The following TIA1 variants were observed in gnomAD, a reference collection of about 807,000 sequenced individuals.
The protein encoded by TIA1 is cytotoxic granule associated RNA binding protein TIA1.
A neutral mutation model predicts 65.9 loss-of-function variants in TIA1; 23 were observed. The observed-to-expected ratio is 0.35, with a 90% confidence interval of 0.25 to 0.49. TIA1 has a LOEUF of 0.49. TIA1 is among the 20% of genes least tolerant of loss of function. TIA1 has a pLI of 0.98. For synonymous variants in TIA1, 147 were observed against 149.4 expected, an observed-to-expected ratio of 0.98 and a Z score of 0.12; for missense variants, 371 against 477.9, an observed-to-expected ratio of 0.78 and a Z score of 2.09.
At position 70,210,726 on chromosome 2, in the gene TIA1, A is replaced by G. The variant is rs1431871034; in HGVS notation, c.*1993T>C. 6.6e-6 allele frequency: 1 copy of G among 152,204 alleles called. No homozygotes were observed. Among genetic ancestry groups the G allele is most frequent in the Non-Finnish European group, 1.5e-5 (1 of 68,038 alleles). 9.4% of individuals were successfully genotyped at this position (152,204 alleles called of 1,614,324 possible). On this transcript the variant is annotated 3_prime_UTR_variant, in exon 13 of 13. Coordinates refer to ENST00000433529, the MANE Select transcript of TIA1 (RefSeq NM_022173.4). Reference sequence around the variant, plus strand: ...AAAGTAGAAACATAAGCCAGAAGAAATCTAAAAATAGCTTCCTGATATTTT... The same window carrying G: ...AAAGTAGAAACATAAGCCAGAAGAAGTCTAAAAATAGCTTCCTGATATTTT...
chr2:70,241,928 G>A (rs1691961548), intron 1 of TIA1, among the ~76,000 whole-genome samples: 1 of 151,614 alleles, frequency 6.6e-6, no homozygotes, highest in Non-Finnish European at 1.5e-5. Flanking sequence ...AAAGTGTTAA[G>A]GTCAGAAAGA....
intron 7 of TIA1, among the ~76,000 whole-genome samples, chr2:70,222,924 T>G (rs942112214): frequency 1.3e-5 from 2 of 151,216 alleles, no homozygotes; most frequent in African/African-American, 4.9e-5. Flanking sequence ...AAAAAAAAAA[T>G]TATATTATTT....
chr2:70,248,644 G>A (rs1013063184), upstream of TIA1: 1 of 652,258 alleles, frequency 1.5e-6, no homozygotes, highest in Non-Finnish European at 2.6e-6. Context: ...GGGAGCCTAG[G>A]AGCAGCCAGC....
intron 9 of TIA1, 23 bp from the exon 10 acceptor site, chr2:70,216,315 A>C: frequency 6.3e-7 from 1 of 1,581,546 alleles, no homozygotes; most frequent in South Asian, 1.2e-5. Flanking sequence ...AAACCAAAAC[A>C]AACAAATCAC....
chr2:70,244,703 C>T (rs375442882), intron 1 of TIA1, among the ~76,000 whole-genome samples: 2 of 151,466 alleles, frequency 1.3e-5, no homozygotes, highest in African/African-American at 4.9e-5. Context: ...GGCGTGGTGG[C>T]GGGTGCCTGC....
chr2:70,242,181 G>GTAC, intron 1 of TIA1, among the ~76,000 whole-genome samples: 1 of 152,096 alleles, frequency 6.6e-6, no homozygotes, highest in East Asian at 1.9e-4. Flanking sequence ...ACAAAACTCT[G>GTAC]TACTATCTCT....
In TIA1 at chr2:70,211,907, A is replaced by G. The variant is rs1676579926; in HGVS notation, c.*812T>C. 1 of 152,548 alleles carries G rather than the reference A, an allele frequency of 6.6e-6. No homozygotes were observed. The highest frequency in any genetic ancestry group is 2.1e-4 in the South Asian group (1 of 4,834). 9.4% of individuals were successfully genotyped at this position (152,548 alleles called of 1,614,324 possible). Reference sequence around the variant, plus strand: ...GGCATAAGAACTTATCACATTTCAGATATTTTCTTTAGTAACAAGTTTTTG... The same window carrying G: ...GGCATAAGAACTTATCACATTTCAGGTATTTTCTTTAGTAACAAGTTTTTG... On this transcript the variant is annotated 3_prime_UTR_variant, in exon 13 of 13. Coordinates refer to ENST00000433529, the MANE Select transcript of TIA1 (RefSeq NM_022173.4).
chr2:70,225,311 TA>T, intron 6 of TIA1: 2 of 1,265,428 alleles, frequency 1.6e-6, no homozygotes, highest in Admixed American at 2.7e-5. Flanking sequence ...AGTCAGAAAG[TA>T]AAAAAGCACG....
chr2:70,242,353 G>A (rs1320095939), intron 1 of TIA1, among the ~76,000 whole-genome samples: 1 of 151,820 alleles, frequency 6.6e-6, no homozygotes, highest in Non-Finnish European at 1.5e-5. Flanking sequence ...CCAATATGTT[G>A]AAACTTGCCT....
intron 12 of TIA1, 59 bp from the exon 13 acceptor site, chr2:70,212,904 A>G: frequency 1.7e-6 from 2 of 1,152,238 alleles, no homozygotes; most frequent in Non-Finnish European, 2.6e-6. Flanking sequence ...AAAATAAAGT[A>G]TTGGCAAGAA....
chr2:70,215,753 A>ATTT, intron 10 of TIA1: 2 of 293,340 alleles, frequency 6.8e-6, no homozygotes, highest in African/African-American at 2.3e-5. Flanking sequence ...AGAAATTTCA[A>ATTT]TTTTTTTTTT....
chr2:70,209,539 T>C lies in TIA1; in HGVS notation c.*3180A>G. The C allele has an allele frequency of 2.5e-6, 1 of 398,296 alleles. No individual in the cohort carries two copies. The highest frequency in any genetic ancestry group is 4.4e-6 in the Non-Finnish European group (1 of 225,944). The allele number at this position is 398,296 out of a possible 1,614,324, so 24.7% of individuals were successfully genotyped here. A position where few individuals can be genotyped will look rare whatever the true frequency, so the allele number is the denominator to read the frequency against. On this transcript the variant is annotated 3_prime_UTR_variant, in exon 13 of 13. Coordinates refer to ENST00000433529, the MANE Select transcript of TIA1 (RefSeq NM_022173.4). ...CAAATTCTAAACACAACAGTCAAAATGCAGTGACTGTAATGAAATGTAATA... is the reference window on the plus strand; with the variant it reads ...CAAATTCTAAACACAACAGTCAAAACGCAGTGACTGTAATGAAATGTAATA...
intron 4 of TIA1, 80 bp downstream of exon 4, chr2:70,229,184 T>C (rs908715463): frequency 2.5e-6 from 4 of 1,597,058 alleles, no homozygotes; most frequent in African/African-American, 1.3e-5. Context: ...ACTGCAAACA[T>C]GTATGATGTT....
In TIA1 at chr2:70,238,260, G is replaced by GTT. The variant is rs763865705; in HGVS notation, c.27-2087_27-2086dup. 1.6e-3 allele frequency among the ~76,000 whole-genome samples: 150 copies of GTT among 94,616 alleles called. 16 individuals are homozygous for GTT. Among genetic ancestry groups the GTT allele is most frequent in the Middle Eastern group, 5.8e-3 (1 of 172 alleles). The allele number at this position is 94,616 out of a possible 152,430, so 62.1% of individuals were successfully genotyped here. A position where few individuals can be genotyped will look rare whatever the true frequency, so the allele number is the denominator to read the frequency against. On this transcript the variant is annotated intron_variant, in intron 1 of 12. Coordinates refer to ENST00000433529, the MANE Select transcript of TIA1 (RefSeq NM_022173.4). ...ACTAAGAACATTGACGTTCCCCCAA[G>GTT]TTTTTTTTTTTTTTTTTTTTTTTTT...
chr2:70,222,496 G>A (rs1476520246), intron 7 of TIA1, among the ~76,000 whole-genome samples: 1 of 152,224 alleles, frequency 6.6e-6, no homozygotes, highest in Non-Finnish European at 1.5e-5. Flanking sequence ...GTAGAACATA[G>A]GAAGAGAGGC....
chr2:70,244,652 G>A (rs550105265), intron 1 of TIA1, among the ~76,000 whole-genome samples: 3 of 151,776 alleles, frequency 2.0e-5, no homozygotes, highest in Admixed American at 6.6e-5. Flanking sequence ...TGGCTAACAC[G>A]GTGAAACTGT....
upstream of TIA1, chr2:70,248,745 T>G: frequency 2.5e-6 from 1 of 400,114 alleles, no homozygotes; most frequent in Admixed American, 4.2e-5. Flanking sequence ...GTTCACTTGT[T>G]GCGCAGCCGC....
upstream of TIA1, chr2:70,248,641 T>A: frequency 1.5e-6 from 1 of 664,576 alleles, no homozygotes; most frequent in Non-Finnish European, 2.5e-6. Context: ...GCCGGGAGCC[T>A]AGGAGCAGCC....
Position 70,210,743 on chromosome 2 carries a change from T to G in TIA1, c.*1976A>C, listed in dbSNP as rs551115570. ...CAGAAGAAATCTAAAAATAGCTTCC[T>G]GATATTTTATTTTAAAATATTTCAT... is the stretch of plus-strand genomic sequence containing the variant. On this transcript the variant is annotated 3_prime_UTR_variant, in exon 13 of 13. Coordinates refer to ENST00000433529, the MANE Select transcript of TIA1 (RefSeq NM_022173.4). 3 of 152,346 alleles carry G rather than the reference T, an allele frequency of 2.0e-5. No homozygotes were observed. Among genetic ancestry groups the G allele is most frequent in the African/African-American group, 7.2e-5 (3 of 41,584 alleles). 9.4% of individuals were successfully genotyped at this position (152,346 alleles called of 1,614,324 possible). A position where few individuals can be genotyped will look rare whatever the true frequency, so the allele number is the denominator to read the frequency against.
Sources: allele counts gnomAD v4.1 joint callset (sites outside exome capture counted in the v4.1 genomes callset), GRCh38; gene constraint gnomAD v4.1.1; transcripts MANE v1.5; gene names NCBI Gene and HGNC (gene_info 2026-07-23, HGNC 2026-07-21).